RORA: variants seen among roughly 807,000 people sequenced by gnomAD.
The protein encoded by RORA is RAR related orphan receptor A.
In RORA, 7 loss-of-function variants were observed where a neutral mutation model predicts 69.5. The ratio of observed to expected loss-of-function variants is 0.10; its 90% CI spans 0.06 to 0.19. The LOEUF is 0.19. Ranked by LOEUF, RORA falls within the 10% of genes least tolerant of loss-of-function variation. The probability of loss-of-function intolerance (pLI) is 1.00; values close to 1 mark genes in which losing one functional copy is unlikely to be tolerated. For missense variants in RORA, 457 were observed against 663.0 expected, an observed-to-expected ratio of 0.69 and a Z score of 3.41; for synonymous variants, 261 against 240.8, an observed-to-expected ratio of 1.08 and a Z score of -0.78.
chr15:60,780,991 T>C (rs1307629557), intron 1 of RORA, among the ~76,000 whole-genome samples: 3 of 152,242 alleles, frequency 2.0e-5, no homozygotes, highest in Non-Finnish European at 4.4e-5. Flanking sequence ...TGGATTCTAT[T>C]ATTATCCCCA....
In RORA at chr15:60,516,050, TATATATTTA is replaced by T. The variant is rs2065897410; in HGVS notation, c.283-1302_283-1294del. Among the ~76,000 whole-genome samples, 2 of 6,436 alleles carry T rather than the reference TATATATTTA, an allele frequency of 3.1e-4. 1 individual carries two copies. The highest frequency in any genetic ancestry group is 6.5e-4 in the African/African-American group (2 of 3,078). 4.2% of individuals were successfully genotyped at this position (6,436 alleles called of 152,430 possible). On this transcript the variant is annotated intron_variant, in intron 3 of 10. Transcript: ENST00000335670. ...ATATTTATATATATTTATATATTTA[TATATATTTA>T]TATATATTTATATATATTTATTTAT...
intron 1 of RORA, among the ~76,000 whole-genome samples, chr15:60,841,678 G>C (rs1410266952): frequency 6.6e-6 from 1 of 152,184 alleles, no homozygotes; most frequent in East Asian, 1.9e-4. Flanking sequence ...AAGTGGACAG[G>C]TGGAGCCAAC....
chr15:60,580,006 T>C (rs774660728), intron 2 of RORA, among the ~76,000 whole-genome samples: 23 of 152,060 alleles, frequency 1.5e-4, no homozygotes, highest in Non-Finnish European at 3.4e-4. Context: ...CACTTAAAAA[T>C]GAGTAAATTA....
intron 1 of RORA, among the ~76,000 whole-genome samples, chr15:61,110,899 C>T (rs2079000911): frequency 6.6e-6 from 1 of 152,250 alleles, no homozygotes. Flanking sequence ...GGATATGGCG[C>T]TCCTGGACTT....
chr15:60,876,604 A>G (rs2073619288), intron 1 of RORA, among the ~76,000 whole-genome samples: 8 of 151,964 alleles, frequency 5.3e-5, no homozygotes, highest in Admixed American at 5.2e-4. Flanking sequence ...CATGGAGCAC[A>G]CTTGTTAGGA....
chr15:60,930,731 C>T (rs1375726554), intron 1 of RORA, among the ~76,000 whole-genome samples: 1 of 152,130 alleles, frequency 6.6e-6, no homozygotes, highest in African/African-American at 2.4e-5. Context: ...GAGATGGGAC[C>T]CACCTCTGTG....
chr15:60,841,042 T>C, intron 1 of RORA: 1 of 974,558 alleles, frequency 1.0e-6, no homozygotes, highest in Non-Finnish European at 1.2e-6. Flanking sequence ...ATTTAGGCAT[T>C]GAAAGTAAAA....
intron 1 of RORA, among the ~76,000 whole-genome samples, chr15:60,853,375 T>C (rs945826621): frequency 1.3e-5 from 2 of 152,178 alleles, no homozygotes; most frequent in Non-Finnish European, 2.9e-5. Flanking sequence ...CAGAAGACGA[T>C]AATAGAGAAA....
chr15:60,789,468 C>A (rs1269874386), intron 1 of RORA, among the ~76,000 whole-genome samples: 1 of 152,258 alleles, frequency 6.6e-6, no homozygotes, highest in African/African-American at 2.4e-5. Context: ...TCCCTGGACA[C>A]CCTGCTTCCT....
intron 1 of RORA, among the ~76,000 whole-genome samples, chr15:60,828,383 C>A (rs1258281001): frequency 1.3e-5 from 2 of 152,148 alleles, no homozygotes; most frequent in Non-Finnish European, 2.9e-5. Context: ...CTTCAAAGGG[C>A]TCCAGAAGGA....
intron 1 of RORA, among the ~76,000 whole-genome samples, chr15:61,200,062 C>T (rs1262078775): frequency 6.6e-6 from 1 of 152,152 alleles, no homozygotes; most frequent in African/African-American, 2.4e-5. Context: ...TTGGTCAACA[C>T]AGAATTAGAG....
chr15:60,802,956 TTAA>T (rs775356890), intron 1 of RORA, among the ~76,000 whole-genome samples: 3 of 151,960 alleles, frequency 2.0e-5, no homozygotes, highest in Non-Finnish European at 4.4e-5. Context: ...TGTTTCTTTT[TTAA>T]AAAAAAAAAT....
At chr15:60,787,482 T>G (rs967029964) in intron 1 of RORA, among the ~76,000 whole-genome samples, 3 of 151,952 alleles carry the variant, frequency 2.0e-5, no homozygotes, top group African/African-American at 2.4e-5. Flanking sequence ...AGGGGTGGAG[T>G]GGGGACAGCA....
intron 1 of RORA, among the ~76,000 whole-genome samples, chr15:61,208,560 T>G (rs1349511844): frequency 6.6e-6 from 1 of 152,246 alleles, no homozygotes; most frequent in Non-Finnish European, 1.5e-5. Flanking sequence ...TAAATTATGC[T>G]TCAATAATAA....
At chr15:61,119,389 G>GTA (rs10553428) in intron 1 of RORA, among the ~76,000 whole-genome samples, 3,439 of 147,670 alleles carry the variant, frequency 0.023, 79 homozygotes, top group Non-Finnish European at 0.035. Context: ...TTTTGTATAT[G>GTA]TATATATATA....
chr15:60,888,718 C>T (rs549684071), intron 1 of RORA, among the ~76,000 whole-genome samples: 1 of 152,306 alleles, frequency 6.6e-6, no homozygotes, highest in East Asian at 1.9e-4. Flanking sequence ...ATTCTCTTTC[C>T]CTTTAAGACA....
chr15:60,599,868 G>A (rs980587351), intron 2 of RORA, among the ~76,000 whole-genome samples: 3 of 152,272 alleles, frequency 2.0e-5, no homozygotes, highest in South Asian at 2.1e-4. Context: ...AGGATTAATC[G>A]TTGGTTTGAT....
At chr15:61,063,946 G>C (rs2078221667) in intron 1 of RORA, among the ~76,000 whole-genome samples, 1 of 152,192 alleles carries the variant, frequency 6.6e-6, no homozygotes, top group South Asian at 2.1e-4. Flanking sequence ...CCTTCCGTCT[G>C]GTGTGGGCAC....
intron 1 of RORA, among the ~76,000 whole-genome samples, chr15:61,095,037 T>C (rs1305645128): frequency 6.6e-6 from 1 of 152,208 alleles, no homozygotes; most frequent in Non-Finnish European, 1.5e-5. Flanking sequence ...GCCTGGAATA[T>C]CATGGGGACT....
Sources: allele counts gnomAD v4.1 joint callset (sites outside exome capture counted in the v4.1 genomes callset), GRCh38; gene constraint gnomAD v4.1.1; transcripts MANE v1.5; gene names NCBI Gene and HGNC (gene_info 2026-07-23, HGNC 2026-07-21).